The following SH2D4B variants were observed in gnomAD, a reference collection of about 807,000 sequenced individuals.
The protein encoded by SH2D4B is SH2 domain containing 4B.
In SH2D4B, 45 loss-of-function variants were observed where a neutral mutation model predicts 61.5. That is an observed-to-expected ratio of 0.73 (90% CI 0.58 to 0.94). The LOEUF is 0.94. Ranked by LOEUF, SH2D4B falls within the 40% of genes least tolerant of loss-of-function variation. The pLI, the probability that SH2D4B is intolerant of heterozygous loss-of-function variation, is 0.00. For missense variants in SH2D4B, 572 were observed against 574.2 expected (o/e 1.00, Z 0.04); for synonymous variants, 224 against 220.4 (o/e 1.02, Z -0.14).
At chr10:80,544,240 C>T (rs1470219477) in intron 1 of SH2D4B, among the ~76,000 whole-genome samples, 1 of 152,134 alleles carries the variant, frequency 6.6e-6, no homozygotes, top group Non-Finnish European at 1.5e-5. Flanking sequence ...CCAGAGGCGC[C>T]GCCTTAAGAG....
intron 6 of SH2D4B, among the ~76,000 whole-genome samples, chr10:80,629,224 T>C (rs1842802906): frequency 6.6e-6 from 1 of 151,930 alleles, no homozygotes; most frequent in Non-Finnish European, 1.5e-5. Context: ...GCATATCACA[T>C]GGCGAGAGGG....
intron 4 of SH2D4B, among the ~76,000 whole-genome samples, chr10:80,598,504 A>T (rs2132136335): frequency 6.6e-6 from 1 of 152,304 alleles, no homozygotes; most frequent in East Asian, 1.9e-4. Context: ...ATGATGAGTT[A>T]AACTCCAGAG....
rs924385756 is a variant in SH2D4B at position 80,645,972 on chromosome 10, A to G, written c.*1887A>G. The G allele has an allele frequency of 1.3e-5, 2 of 152,208 alleles. No individual in the cohort carries two copies. Among genetic ancestry groups the G allele is most frequent in the Non-Finnish European group, 1.5e-5 (1 of 68,024 alleles). 9.4% of individuals were successfully genotyped at this position (152,208 alleles called of 1,614,324 possible). ...TGCCTTATTTCTATGGACTCAGAGGAATGATGTTTTAGTTTTGGCTCTCTG... is the reference window on the plus strand; with the variant it reads ...TGCCTTATTTCTATGGACTCAGAGGGATGATGTTTTAGTTTTGGCTCTCTG... On this transcript the variant is annotated 3_prime_UTR_variant, in exon 8 of 8. Coordinates refer to ENST00000646907, the MANE Select transcript of SH2D4B (RefSeq NM_001388272.1).
At chr10:80,638,955 A>G (rs1257519507) in intron 7 of SH2D4B, among the ~76,000 whole-genome samples, 3 of 152,104 alleles carry the variant, frequency 2.0e-5, no homozygotes, top group African/African-American at 4.8e-5. Flanking sequence ...ACACTGCTTT[A>G]AATGTGTCCC....
At chr10:80,569,851 G>A (rs1842016744) in intron 1 of SH2D4B, among the ~76,000 whole-genome samples, 1 of 152,218 alleles carries the variant, frequency 6.6e-6, no homozygotes, top group African/African-American at 2.4e-5. Context: ...TTAGGAGTAA[G>A]TTGGAGCTAG....
intron 4 of SH2D4B, among the ~76,000 whole-genome samples, chr10:80,600,521 A>ATGTG (rs67885510): frequency 0.021 from 2,654 of 127,920 alleles, 46 homozygotes; most frequent in African/African-American, 0.05. Flanking sequence ...GCAGAGTGGC[A>ATGTG]TGTGTGTGTG....
At chr10:80,624,286 A>G (rs1190522378) in intron 6 of SH2D4B, among the ~76,000 whole-genome samples, 1 of 152,140 alleles carries the variant, frequency 6.6e-6, no homozygotes, top group Non-Finnish European at 1.5e-5. Flanking sequence ...GCTTTCAGCT[A>G]CCTTCTCAGA....
At chr10:80,629,576 TGTG>T (rs1842806898) in intron 6 of SH2D4B, among the ~76,000 whole-genome samples, 1 of 152,122 alleles carries the variant, frequency 6.6e-6, no homozygotes, top group Non-Finnish European at 1.5e-5. Context: ...TGTCAGGGGT[TGTG>T]GTGGGGGACA....
At chr10:80,625,573 C>CT (rs564697811) in intron 6 of SH2D4B, among the ~76,000 whole-genome samples, 8,653 of 136,402 alleles carry the variant, frequency 0.063, 447 homozygotes, top group African/African-American at 0.1. Flanking sequence ...TTTTCTTTTT[C>CT]TTTTTTTTTC....
intron 5 of SH2D4B, 26 bp from the exon 6 acceptor site, chr10:80,609,398 G>A (rs375335444): frequency 6.3e-7 from 1 of 1,595,334 alleles, no homozygotes; most frequent in African/African-American, 1.4e-5. Context: ...TGACTCTTCT[G>A]CCCTCCCCAC....
intron 1 of SH2D4B, among the ~76,000 whole-genome samples, chr10:80,552,017 C>T (rs1841767861): frequency 6.6e-6 from 1 of 152,132 alleles, no homozygotes. Context: ...AGCTCTCTGG[C>T]CTCTTCTTAT....
intron 3 of SH2D4B, among the ~76,000 whole-genome samples, chr10:80,587,380 A>G (rs907266190): frequency 6.6e-6 from 1 of 151,884 alleles, no homozygotes; most frequent in Non-Finnish European, 1.5e-5. Flanking sequence ...TTCCGGTTCA[A>G]GCGATTCTCC....
intron 6 of SH2D4B, among the ~76,000 whole-genome samples, chr10:80,625,420 C>G (rs1037016480): frequency 7.9e-5 from 12 of 152,116 alleles, no homozygotes; most frequent in Non-Finnish European, 1.6e-4. Context: ...ATATGCATAT[C>G]CTTCTACACT....
chr10:80,541,265 G>C (rs955882593), intron 1 of SH2D4B, among the ~76,000 whole-genome samples: 2 of 152,102 alleles, frequency 1.3e-5, no homozygotes, highest in African/African-American at 4.8e-5. Context: ...ACCCTGAGTG[G>C]GATTTCAGCT....
chr10:80,574,228 C>T (rs909584525), intron 3 of SH2D4B, among the ~76,000 whole-genome samples: 1 of 152,212 alleles, frequency 6.6e-6, no homozygotes, highest in African/African-American at 2.4e-5. Flanking sequence ...CCCCTGTCTC[C>T]TGGGCTTAAG....
chr10:80,571,266 G>A (rs184865778), intron 2 of SH2D4B, among the ~76,000 whole-genome samples, 165 bp from the exon 3 acceptor site: 4 of 152,304 alleles, frequency 2.6e-5, no homozygotes, highest in East Asian at 1.9e-4. Flanking sequence ...CAATTGTGCC[G>A]ATTTACACTC....
At chr10:80,545,472 T>C (rs988354909) in intron 1 of SH2D4B, among the ~76,000 whole-genome samples, 2 of 152,002 alleles carry the variant, frequency 1.3e-5, no homozygotes, top group African/African-American at 4.8e-5. Flanking sequence ...TTCTCCTTTT[T>C]CTCCTCCCTC....
At chr10:80,635,876 G>T (rs958022514) in intron 7 of SH2D4B, among the ~76,000 whole-genome samples, 3 of 152,094 alleles carry the variant, frequency 2.0e-5, no homozygotes, top group African/African-American at 7.2e-5. Context: ...GTATACATGT[G>T]CCATGTTAGT....
chr10:80,631,658 A>G (rs972798256), intron 6 of SH2D4B, among the ~76,000 whole-genome samples: 1 of 152,266 alleles, frequency 6.6e-6, no homozygotes, highest in Non-Finnish European at 1.5e-5. Flanking sequence ...TTGTGACAAC[A>G]TGGATGAACC....
Sources: gnomAD v4.1 joint callset for allele counts (sites outside exome capture counted in the v4.1 genomes callset) on GRCh38, gnomAD v4.1.1 for gene constraint, MANE v1.5 for transcripts, NCBI Gene and HGNC (gene_info 2026-07-23, HGNC 2026-07-21) for gene names.